PXN: variants seen among roughly 807,000 people sequenced by gnomAD.
PXN encodes paxillin.
In PXN, 61 loss-of-function variants were observed where a neutral mutation model predicts 103.6. The ratio of observed to expected loss-of-function variants is 0.59; its 90% confidence interval spans 0.48 to 0.73. PXN has a LOEUF of 0.73. PXN is among the 30% of genes least tolerant of loss of function. The probability of loss-of-function intolerance (pLI) is 0.00; values close to 1 mark genes in which losing one functional copy is unlikely to be tolerated. For synonymous variants in PXN, 562 were observed against 607.8 expected (o/e 0.92, Z 1.11); for missense variants, 1,274 against 1,460.3 (o/e 0.87, Z 2.08).
chr12:120,257,520 C>G (rs914153498), intron 1 of PXN, among the ~76,000 whole-genome samples: 2 of 152,238 alleles, frequency 1.3e-5, no homozygotes, highest in South Asian at 2.1e-4. Flanking sequence ...CTCATGAGAG[C>G]CTGCTGGCTG....
At chr12:120,255,426 G>A (rs756692246) in intron 1 of PXN, among the ~76,000 whole-genome samples, 6 of 152,162 alleles carry the variant, frequency 3.9e-5, no homozygotes, top group Non-Finnish European at 8.8e-5. Flanking sequence ...GGCCGGGCGC[G>A]GTGGCTCACA....
Position 120,219,058 on chromosome 12 carries a change from G to T in PXN, c.1716+149C>A. ...GGGTCCACAGAGCCCACTGCCAAGT[G>T]CTGACTGTCAGGTCCGGCCACAGTG... is the stretch of plus-strand genomic sequence containing the variant. On this transcript the variant is annotated intron_variant, in intron 7 of 14. Coordinates refer to ENST00000637617, the MANE Select transcript of PXN (RefSeq NM_001385981.1). This position sits in a 1 kb window ranked among gnomAD's most constrained non-coding sequence, Gnocchi z 6.5. 1 of 858,236 alleles carries T rather than the reference G, an allele frequency of 1.2e-6. No homozygotes were observed. The highest frequency in any genetic ancestry group is 1.7e-6 in the Non-Finnish European group (1 of 579,954). The allele number at this position is 858,236 out of a possible 1,614,324, so 53.2% of individuals were successfully genotyped here. A position where few individuals can be genotyped will look rare whatever the true frequency, so the allele number is the denominator to read the frequency against.
chr12:120,219,115 C>A lies in PXN; in HGVS notation c.1716+92G>T. 1 of 1,309,750 alleles carries A rather than the reference C, an allele frequency of 7.6e-7. No homozygotes were observed. Among genetic ancestry groups the A allele is most frequent in the African/African-American group, 1.5e-5 (1 of 67,194 alleles). The allele number at this position is 1,309,750 out of a possible 1,614,324, so 81.1% of individuals were successfully genotyped here. A position where few individuals can be genotyped will look rare whatever the true frequency, so the allele number is the denominator to read the frequency against. On this transcript the variant is annotated intron_variant, in intron 7 of 14. Coordinates refer to ENST00000637617, the MANE Select transcript of PXN (RefSeq NM_001385981.1). This position sits in a 1 kb window ranked among gnomAD's most constrained non-coding sequence, Gnocchi z 6.5. The stretch of plus-strand genomic sequence containing the variant: ...CATTTTCTGCCCAAGCAGACATGCG[C>A]AGAGTGGGAGGCTGCATGCAGTTAG...
rs1882058486 is a variant in PXN at position 120,214,816 on chromosome 12, G to A, written c.2748+9C>T. ...CGGAAGCGGGCGCGGTGCCGGATGA[G>A]GAACTCACATCCAGGATGGGGCCGT... On this transcript the variant is annotated intron_variant, in intron 12 of 14. Coordinates refer to ENST00000637617, the MANE Select transcript of PXN (RefSeq NM_001385981.1). The surrounding 1 kb of genome is among the most constrained non-coding windows in gnomAD (Gnocchi z 5.0). The A allele has an allele frequency of 6.2e-7, 1 of 1,613,546 alleles. No individual in the cohort carries two copies. Among genetic ancestry groups the A allele is most frequent in the African/African-American group, 1.3e-5 (1 of 74,936 alleles).
chr12:120,260,457 C>G (rs1424814056), intron 1 of PXN, among the ~76,000 whole-genome samples: 1 of 146,114 alleles, frequency 6.8e-6, no homozygotes, highest in Non-Finnish European at 1.5e-5. Context: ...GAGCCGAGAT[C>G]ATGCCATTGC....
Position 120,214,854 on chromosome 12 carries a change from A to G in PXN, c.2719T>C (p.Cys907Arg). 6.2e-7 allele frequency: 1 copy of G among 1,614,000 alleles called. No individual in the cohort carries two copies. Among genetic ancestry groups the G allele is most frequent in the South Asian group, 1.1e-5 (1 of 91,082 alleles). ...KDYHNLFSPR[C>R]YYCNGPILDK... ...AGGATGGGGCCGTTGCAGTAGTAGC[A>G]GCGCGGGGAGAAGAGGTTGTGGTAG... is the stretch of plus-strand genomic sequence containing the variant. Residue 907 changes from cysteine (C) to arginine (R), a missense_variant, in exon 12 of 15, where the codon TGC (cysteine) becomes CGC (arginine). By Grantham distance (180) the Cys-to-Arg change is radical (BLOSUM62 -3). This residue lies in a region of PXN where 1,178 missense variants were observed against 1,309.0 expected (regional missense o/e 0.90). Transcript: ENST00000637617. This position sits in a 1 kb window ranked among gnomAD's most constrained non-coding sequence, Gnocchi z 5.0.
intron 1 of PXN, among the ~76,000 whole-genome samples, chr12:120,264,530 C>T (rs1246409461): frequency 6.6e-6 from 1 of 152,220 alleles, no homozygotes; most frequent in Non-Finnish European, 1.5e-5. Context: ...CACCAACCCC[C>T]TTGGGTTTAG....
In PXN at chr12:120,215,240, G is replaced by A. The variant is rs761454485; in HGVS notation, c.2437C>T (p.Pro813Ser). ...MAQGKTGSSS[P>S]PGGPPKPGSQ... is the part of the protein sequence containing the mutation. Reference sequence around the variant, plus strand: ...CCGGGCTTCGGGGGCCCCCCAGGGGGTGAGCTGCTCCCTGTCTTCCCCTGG... The same window carrying A: ...CCGGGCTTCGGGGGCCCCCCAGGGGATGAGCTGCTCCCTGTCTTCCCCTGG... The change falls in exon 11 of 15, where the codon CCC becomes TCC. Residue 813 changes from proline (P) to serine (S), a missense_variant. Coordinates refer to ENST00000637617, the MANE Select transcript of PXN (RefSeq NM_001385981.1). This position sits in a 1 kb window ranked among gnomAD's most constrained non-coding sequence, Gnocchi z 4.9. The A allele has an allele frequency of 2.5e-6, 4 of 1,590,288 alleles. No homozygotes were observed. The highest frequency in any genetic ancestry group is 3.5e-5 in the Admixed American group (2 of 56,564).
chr12:120,246,528 AAAAAAG>A (rs1278675081), intron 1 of PXN, among the ~76,000 whole-genome samples: 5 of 149,278 alleles, frequency 3.3e-5, no homozygotes, highest in Non-Finnish European at 7.4e-5. Flanking sequence ...AAAAAAAAAA[AAAAAAG>A]AAAAAAGAAA....
chr12:120,212,167 C>T lies in PXN; in HGVS notation c.*147G>A, dbSNP rs3742039. On this transcript the variant is annotated 3_prime_UTR_variant, in exon 15 of 15. Coordinates refer to ENST00000637617, the MANE Select transcript of PXN (RefSeq NM_001385981.1). The surrounding 1 kb of genome is among the most constrained non-coding windows in gnomAD (Gnocchi z 7.2). The stretch of plus-strand genomic sequence containing the variant: ...TGAAGACAAGCAGGGGGACCCCTCA[C>T]GGCCCTCTGTCCATCCCGCACCAGC... 0.49 allele frequency: 600,692 copies of T among 1,215,434 alleles called. 154,173 individuals are homozygous for T. The highest frequency in any genetic ancestry group is 0.64 in the South Asian group (46,937 of 73,786). The allele number at this position is 1,215,434 out of a possible 1,614,324, so 75.3% of individuals were successfully genotyped here.
At chr12:120,251,945 G>T (rs891162130) in intron 1 of PXN, among the ~76,000 whole-genome samples, 2 of 152,198 alleles carry the variant, frequency 1.3e-5, no homozygotes, top group Non-Finnish European at 2.9e-5. Flanking sequence ...TGAGCACTTT[G>T]AAAGTATTTC....
At chr12:120,259,250 G>A (rs947325406) in intron 1 of PXN, among the ~76,000 whole-genome samples, 4 of 151,726 alleles carry the variant, frequency 2.6e-5, no homozygotes, top group African/African-American at 4.8e-5. Context: ...AAATTAGCCG[G>A]GTGTGGTGGC....
rs1594555783 is a variant in PXN at position 120,265,575 on chromosome 12, G to T, written c.13+42C>A. ...TGGCGCCCTCCTGGCCCCAAGCTGC[G>T]CGCCTCTCGCCTCCTCCTCCCTCGG... On this transcript the variant is annotated intron_variant, in intron 1 of 14. Transcript: ENST00000637617. This position sits in a 1 kb window ranked among gnomAD's most constrained non-coding sequence, Gnocchi z 5.7. 2.0e-6 allele frequency: 3 copies of T among 1,479,436 alleles called. No homozygotes were observed. The highest frequency in any genetic ancestry group is 1.8e-6 in the Non-Finnish European group (2 of 1,120,598). 91.6% of individuals were successfully genotyped at this position (1,479,436 alleles called of 1,614,324 possible). A position where few individuals can be genotyped will look rare whatever the true frequency, so the allele number is the denominator to read the frequency against.
intron 1 of PXN, among the ~76,000 whole-genome samples, chr12:120,262,950 T>A (rs1894099259): frequency 6.6e-6 from 1 of 152,144 alleles, no homozygotes; most frequent in East Asian, 1.9e-4. Flanking sequence ...TGTAACTTAT[T>A]AAGCAGCACA....
In PXN at chr12:120,222,533, C is replaced by T. The variant is rs1277941691; in HGVS notation, c.695+16G>A. On this transcript the variant is annotated intron_variant, in intron 5 of 14. Coordinates refer to ENST00000637617, the MANE Select transcript of PXN (RefSeq NM_001385981.1). This position sits in a 1 kb window ranked among gnomAD's most constrained non-coding sequence, Gnocchi z 4.7. ...CCAGCCCTTCCCCACCTGGGGAGGG[C>T]CCAGTGGGTACTCACACGGGGCTGG... 9 of 1,580,130 alleles carry T rather than the reference C, an allele frequency of 5.7e-6. No homozygotes were observed. The highest frequency in any genetic ancestry group is 1.8e-5 in the Admixed American group (1 of 55,176).
In PXN at chr12:120,219,372, G is replaced by T; in HGVS notation, c.1551C>A (p.Thr517=). 1 of 1,598,422 alleles carries T rather than the reference G, an allele frequency of 6.3e-7. No homozygotes were observed. The change falls in exon 7 of 15, where the codon ACC becomes ACA. Residue 517 remains threonine, a synonymous_variant. Transcript: ENST00000637617. This position sits in a 1 kb window ranked among gnomAD's most constrained non-coding sequence, Gnocchi z 6.5. The part of the protein sequence containing the change: ...VTTEQLGAKM[T]ERGSVARPTQ... ...TTGGCCTGGCCACACTTCCCCTCTC[G>T]GTCATCTTTGCACCTAGCTGCTCCG...
rs201905149 is a variant in PXN, at chr12:120,237,148, TACACACACACAC to T, written c.14-12783_14-12772del. Among the ~76,000 whole-genome samples the T allele has an allele frequency of 3.0e-4, 41 of 137,634 alleles. 1 individual carries two copies. Among genetic ancestry groups the T allele is most frequent in the East Asian group, 2.2e-3 (10 of 4,502 alleles). 90.3% of individuals were successfully genotyped at this position (137,634 alleles called of 152,430 possible). A position where few individuals can be genotyped will look rare whatever the true frequency, so the allele number is the denominator to read the frequency against. On this transcript the variant is annotated intron_variant, in intron 1 of 14. Coordinates refer to ENST00000637617, the MANE Select transcript of PXN (RefSeq NM_001385981.1). Reference sequence around the variant, plus strand: ...GTACGTGTGTGTGTGTGTGTGTGTATACACACACACACACACACACACACACACACACAGAAT... The same window carrying T: ...GTACGTGTGTGTGTGTGTGTGTGTATACACACACACACACACACACAGAAT...
chr12:120,212,643 T>A lies in PXN; in HGVS notation c.2980-63A>T. The A allele has an allele frequency of 2.6e-6, 4 of 1,562,616 alleles. No individual in the cohort carries two copies. The highest frequency in any genetic ancestry group is 2.6e-6 in the Non-Finnish European group (3 of 1,153,308). ...CGGGCTAGAGCTGCACCCTGTGTGA[T>A]GGGGCCGAGGTGGGCATAGTCGGCA... On this transcript the variant is annotated intron_variant, in intron 14 of 14. Transcript: ENST00000637617. This position sits in a 1 kb window ranked among gnomAD's most constrained non-coding sequence, Gnocchi z 7.2.
At position 120,213,785 on chromosome 12, in the gene PXN, C is replaced by A; in HGVS notation, c.2979+57G>T. Reference sequence around the variant, plus strand: ...ATCCAGACAGCACAATGAGGAAGACCCCTCTCTCCCCACTGCCTGCTCCTC... The same window carrying A: ...ATCCAGACAGCACAATGAGGAAGACACCTCTCTCCCCACTGCCTGCTCCTC... On this transcript the variant is annotated intron_variant, in intron 14 of 14. Coordinates refer to ENST00000637617, the MANE Select transcript of PXN (RefSeq NM_001385981.1). This position sits in a 1 kb window ranked among gnomAD's most constrained non-coding sequence, Gnocchi z 4.2. The A allele has an allele frequency of 6.4e-7, 1 of 1,564,666 alleles. No individual in the cohort carries two copies.
Sources: allele counts gnomAD v4.1 joint callset (sites outside exome capture counted in the v4.1 genomes callset), GRCh38; gene constraint gnomAD v4.1.1; regional missense constraint gnomAD v4.1.1; non-coding constraint Gnocchi (gnomAD v3.1); transcripts MANE v1.5; gene names NCBI Gene and HGNC (gene_info 2026-07-23, HGNC 2026-07-21).